Variants in SLC30A8 observed in about 807,000 individuals in gnomAD.
SLC30A8 encodes solute carrier family 30 member 8.
In SLC30A8, 27 loss-of-function variants were observed where a neutral mutation model predicts 36.9. The observed-to-expected ratio is 0.73, with a 90% CI of 0.54 to 1.01. SLC30A8 has a LOEUF of 1.01. Ranked by LOEUF, SLC30A8 falls within the 50% of genes least tolerant of loss-of-function variation. The pLI, the probability that SLC30A8 is intolerant of heterozygous loss-of-function variation, is 0.00. For missense variants in SLC30A8, 439 were observed against 452.0 expected (o/e 0.97, Z 0.26); for synonymous variants, 164 against 172.4 (o/e 0.95, Z 0.38).
At chr8:117,025,592 A>G (rs1383196015) in intron 1 of SLC30A8, among the ~76,000 whole-genome samples, 2 of 152,230 alleles carry the variant, frequency 1.3e-5, no homozygotes, top group African/African-American at 4.8e-5. Context: ...TGAGCAACAG[A>G]TGCCAAAATC....
At chr8:117,019,431 GA>G (rs1361167173) in intron 1 of SLC30A8, among the ~76,000 whole-genome samples, 5 of 152,152 alleles carry the variant, frequency 3.3e-5, no homozygotes, top group Non-Finnish European at 7.3e-5. Flanking sequence ...TTCACACATT[GA>G]TTCTACATTG....
chr8:117,159,949 T>C (rs1822692269), intron 4 of SLC30A8, among the ~76,000 whole-genome samples: 1 of 152,210 alleles, frequency 6.6e-6, no homozygotes. Context: ...ACATTGCAGG[T>C]GCTTTTTACA....
chr8:117,120,222 C>T (rs754086988), intron 2 of SLC30A8, among the ~76,000 whole-genome samples: 24 of 151,890 alleles, frequency 1.6e-4, no homozygotes, highest in African/African-American at 3.4e-4. Context: ...AAACATATTT[C>T]GTATCTGTAG....
intron 1 of SLC30A8, among the ~76,000 whole-genome samples, chr8:117,031,103 G>A (rs536217556): frequency 1.3e-5 from 2 of 152,300 alleles, no homozygotes; most frequent in Middle Eastern, 6.8e-3. Context: ...AGAGAAAGCT[G>A]AACTAGATAG....
At chr8:117,053,833 A>G (rs1475802517) in intron 2 of SLC30A8, among the ~76,000 whole-genome samples, 4 of 152,204 alleles carry the variant, frequency 2.6e-5, no homozygotes, top group Non-Finnish European at 4.4e-5. Context: ...CTTGAAAACT[A>G]CCAGCATATT....
At chr8:117,099,240 T>A (rs533689663) in intron 2 of SLC30A8, among the ~76,000 whole-genome samples, 1 of 152,302 alleles carries the variant, frequency 6.6e-6, no homozygotes, top group Non-Finnish European at 1.5e-5. Context: ...CTGTTCCTTA[T>A]GTCTAGATTT....
Position 117,007,656 on chromosome 8 carries a change from A to AT in SLC30A8, c.-265-31562dup, listed in dbSNP as rs1193044231. On this transcript the variant is annotated intron_variant, in intron 1 of 10. Coordinates refer to the SLC30A8 transcript ENST00000427715. ...AAAGAGATAACACTAAAGGTTTTGCATACCTTATCTCATTTGACCCTCACA... is the reference window on the plus strand; with the variant it reads ...AAAGAGATAACACTAAAGGTTTTGCATTACCTTATCTCATTTGACCCTCACA... 2.0e-5 allele frequency among the ~76,000 whole-genome samples: 3 copies of AT among 152,326 alleles called. No homozygotes were observed. In the East Asian group the frequency reaches 5.8e-4, roughly 29 times the overall value.
intron 1 of SLC30A8, among the ~76,000 whole-genome samples, chr8:116,979,852 T>G (rs1005609461): frequency 3.3e-5 from 5 of 152,092 alleles, no homozygotes; most frequent in Non-Finnish European, 5.9e-5. Context: ...TGCCAACAAA[T>G]AGCATTCTCT....
intron 2 of SLC30A8, among the ~76,000 whole-genome samples, chr8:117,071,171 C>G (rs1438843517): frequency 6.6e-6 from 1 of 152,202 alleles, no homozygotes; most frequent in South Asian, 2.1e-4. Flanking sequence ...CAACAACATA[C>G]AAGAGTTCCC....
At chr8:117,028,347 T>TA (rs1563754779) in intron 1 of SLC30A8, among the ~76,000 whole-genome samples, 1 of 152,118 alleles carries the variant, frequency 6.6e-6, no homozygotes, top group Non-Finnish European at 1.5e-5. Flanking sequence ...TTTCCTGAAA[T>TA]ATGAATACAA....
Position 117,135,338 on chromosome 8 carries a change from T to C in SLC30A8, c.11T>C (p.Leu4Pro). 6 of 1,595,220 alleles carry C rather than the reference T, an allele frequency of 3.8e-6. No individual in the cohort carries two copies. The highest frequency in any genetic ancestry group is 5.1e-6 in the Non-Finnish European group (6 of 1,168,630). ...CTCATCCTGGCCGTCATGGAGTTTC[T>C]TGAAAGAACGTATCTTGTGAATGAT... Reference protein sequence around the residue: MEFLERTYLVNDKA... With the variant: MEFPERTYLVNDKA... The change falls in exon 1 of 8, where the codon CTT (leucine) becomes CCT (proline). Residue 4 changes from leucine to proline, a missense_variant. Transcript: ENST00000456015.
intron 2 of SLC30A8, among the ~76,000 whole-genome samples, chr8:117,105,586 G>A (rs1023550838): frequency 2.6e-5 from 4 of 152,266 alleles, no homozygotes; most frequent in East Asian, 1.9e-4. Flanking sequence ...TGTAGGGCAA[G>A]CCAGCAGCCT....
At chr8:117,103,342 G>T (rs903250259) in intron 2 of SLC30A8, among the ~76,000 whole-genome samples, 5 of 152,110 alleles carry the variant, frequency 3.3e-5, no homozygotes, top group Non-Finnish European at 5.9e-5. Flanking sequence ...ATTCTCTGTG[G>T]CTTGATGCTC....
upstream of SLC30A8, among the ~76,000 whole-genome samples, chr8:117,132,410 C>T (rs940395532): frequency 2.0e-5 from 3 of 151,986 alleles, no homozygotes; most frequent in African/African-American, 7.2e-5. Context: ...TGACAGAATA[C>T]TTATTTCCAC....
chr8:117,048,999 A>G (rs2130769049), intron 2 of SLC30A8, among the ~76,000 whole-genome samples: 1 of 152,322 alleles, frequency 6.6e-6, no homozygotes, highest in Admixed American at 6.5e-5. Flanking sequence ...CATTTTAGAA[A>G]GGGAGCTTTC....
At chr8:117,018,348 T>C (rs975951915) in intron 1 of SLC30A8, 3 of 152,162 alleles carry the variant, frequency 2.0e-5, no homozygotes, top group Non-Finnish European at 2.9e-5. Context: ...ATCAAAAATA[T>C]TATTTCAACA....
chr8:117,147,366 G>A (rs547049805), intron 2 of SLC30A8, among the ~76,000 whole-genome samples: 18 of 152,268 alleles, frequency 1.2e-4, no homozygotes, highest in African/African-American at 3.8e-4. Context: ...AATAATTTTA[G>A]GGAGTGTTTT....
chr8:117,072,837 CTT>C (rs59816392), intron 2 of SLC30A8, among the ~76,000 whole-genome samples: 23,098 of 139,650 alleles, frequency 0.17, 2,198 homozygotes, highest in African/African-American at 0.28. Context: ...AATCCTACTA[CTT>C]TTTTTTTTTT....
At chr8:117,083,391 T>C (rs6469673) in intron 2 of SLC30A8, among the ~76,000 whole-genome samples, 49,121 of 152,066 alleles carry the variant, frequency 0.32, 8,690 homozygotes, top group African/African-American at 0.48. Flanking sequence ...GGGGTCAAGC[T>C]AATCAAATGA....
Sources: gnomAD v4.1 joint callset for allele counts (sites outside exome capture counted in the v4.1 genomes callset) on GRCh38, gnomAD v4.1.1 for gene constraint, MANE v1.5 for transcripts, NCBI Gene and HGNC (gene_info 2026-07-23, HGNC 2026-07-21) for gene names.